The following TOX variants were observed in gnomAD, a reference collection of about 807,000 sequenced individuals.
TOX encodes the protein thymocyte selection associated high mobility group box.
In TOX, 11 loss-of-function variants were observed where a neutral mutation model predicts 53.7. The ratio of observed to expected loss-of-function variants is 0.20; its 90% CI spans 0.13 to 0.34. The LOEUF (loss-of-function observed/expected upper bound fraction) is 0.34, where lower values mean the gene tolerates loss of function less well. TOX is among the 10% of genes least tolerant of loss of function. The probability of loss-of-function intolerance (pLI) is 1.00; values close to 1 mark genes in which losing one functional copy is unlikely to be tolerated. For missense variants in TOX, 570 were observed against 664.6 expected (o/e 0.86, Z 1.56); for synonymous variants, 225 against 245.3 (o/e 0.92, Z 0.77).
At chr8:59,004,510 A>G (rs1361346142) in intron 1 of TOX, among the ~76,000 whole-genome samples, 3 of 152,246 alleles carry the variant, frequency 2.0e-5, no homozygotes, top group African/African-American at 4.8e-5. Context: ...AGTACACATT[A>G]GTGATTGCAT....
intron 8 of TOX, 60 bp from the exon 9 acceptor site, chr8:58,807,843 A>G (rs1451084953): frequency 1.3e-6 from 2 of 1,593,234 alleles, no homozygotes; most frequent in South Asian, 1.1e-5. Flanking sequence ...ACAGGTGACA[A>G]TGGGGGGATG....
intron 1 of TOX, among the ~76,000 whole-genome samples, chr8:59,079,961 T>C (rs559465254): frequency 1.3e-5 from 2 of 151,120 alleles, no homozygotes; most frequent in South Asian, 2.1e-4. Context: ...GCATGGGGCC[T>C]GTAGCCCCTT....
intron 3 of TOX, among the ~76,000 whole-genome samples, chr8:58,860,571 C>T (rs16924112): frequency 0.014 from 2,059 of 152,322 alleles, 71 homozygotes; most frequent in Admixed American, 0.062. Context: ...TGGTTCTCTT[C>T]GGTTATTATC....
intron 3 of TOX, among the ~76,000 whole-genome samples, chr8:58,936,459 C>A (rs955991221): frequency 1.3e-5 from 2 of 152,096 alleles, no homozygotes; most frequent in Non-Finnish European, 1.5e-5. Context: ...TTTTCACTGT[C>A]CAGAAGGACA....
intron 3 of TOX, among the ~76,000 whole-genome samples, chr8:58,879,920 T>G (rs1470649477): frequency 6.6e-6 from 1 of 152,202 alleles, no homozygotes; most frequent in Non-Finnish European, 1.5e-5. Flanking sequence ...TTTTAATACT[T>G]TGCTTTTTCC....
intron 1 of TOX, among the ~76,000 whole-genome samples, chr8:58,973,996 C>T (rs1417240117): frequency 6.6e-6 from 1 of 152,052 alleles, no homozygotes; most frequent in East Asian, 1.9e-4. Flanking sequence ...TGGGGTTTCA[C>T]CATGTTGACC....
At chr8:58,929,157 GAGGATT>G (rs1812216714) in intron 3 of TOX, among the ~76,000 whole-genome samples, 1 of 152,024 alleles carries the variant, frequency 6.6e-6, no homozygotes, top group African/African-American at 2.4e-5. Flanking sequence ...ATTAAATTCA[GAGGATT>G]TAACTATCAT....
At position 58,983,980 on chromosome 8, in the gene TOX, T is replaced by C. The variant is rs138074264; in HGVS notation, c.103-23972A>G. ...AGCCTGTACTAGGGTGAGGCATATT[T>C]GCCTGAGGAGAAAAACTTAAGGTAA... On this transcript the variant is annotated intron_variant, in intron 1 of 8. Transcript: ENST00000361421. 7.9e-5 allele frequency among the ~76,000 whole-genome samples: 12 copies of C among 152,332 alleles called. No homozygotes were observed. In the East Asian group the frequency reaches 2.3e-3, roughly 29 times the overall value.
chr8:59,078,005 G>T (rs1181750862), intron 1 of TOX, among the ~76,000 whole-genome samples: 1 of 151,884 alleles, frequency 6.6e-6, no homozygotes, highest in African/African-American at 2.4e-5. Flanking sequence ...CTTTGGAGGG[G>T]AAAAATGAAG....
chr8:58,810,739 T>G (rs903649889), intron 7 of TOX, among the ~76,000 whole-genome samples: 3 of 152,046 alleles, frequency 2.0e-5, no homozygotes, highest in Admixed American at 6.6e-5. Context: ...TATATTGACT[T>G]AGTTGACAGC....
chr8:59,035,270 A>C (rs1235121114), intron 1 of TOX, among the ~76,000 whole-genome samples: 2 of 152,248 alleles, frequency 1.3e-5, no homozygotes, highest in Non-Finnish European at 2.9e-5. Context: ...ATTGCTAAGC[A>C]ACATAAATGT....
chr8:59,063,758 A>G (rs942508029), intron 1 of TOX, among the ~76,000 whole-genome samples: 4 of 152,112 alleles, frequency 2.6e-5, no homozygotes, highest in Admixed American at 6.6e-5. Flanking sequence ...CTTTAAACTT[A>G]ATCTCAACTA....
At chr8:58,953,510 A>G (rs1812658762) in intron 2 of TOX, among the ~76,000 whole-genome samples, 1 of 152,210 alleles carries the variant, frequency 6.6e-6, no homozygotes, top group Non-Finnish European at 1.5e-5. Flanking sequence ...TTTTCCAGGC[A>G]TCCTTTCATT....
chr8:58,957,360 T>C (rs1340020556), intron 2 of TOX, among the ~76,000 whole-genome samples: 2 of 152,206 alleles, frequency 1.3e-5, no homozygotes, highest in Admixed American at 1.3e-4. Flanking sequence ...TTTTATTATA[T>C]ACTTGTCAGG....
intron 1 of TOX, among the ~76,000 whole-genome samples, chr8:59,102,694 A>G (rs1804827300): frequency 6.6e-6 from 1 of 152,180 alleles, no homozygotes. Flanking sequence ...GGGGACACAG[A>G]GCCAAACCAT....
chr8:58,846,284 C>T (rs1191677792), intron 4 of TOX, among the ~76,000 whole-genome samples: 2 of 151,948 alleles, frequency 1.3e-5, no homozygotes, highest in South Asian at 4.2e-4. Flanking sequence ...CTAATACATA[C>T]TTTAAAAGTA....
chr8:59,010,955 T>C (rs1298192911), intron 1 of TOX, among the ~76,000 whole-genome samples: 2 of 152,252 alleles, frequency 1.3e-5, no homozygotes, highest in South Asian at 2.1e-4. Context: ...ACAGTCGGAA[T>C]AGTAAGCAAG....
chr8:59,109,111 T>G (rs1804966892), intron 1 of TOX, among the ~76,000 whole-genome samples: 1 of 152,210 alleles, frequency 6.6e-6, no homozygotes, highest in Admixed American at 6.5e-5. Context: ...ATTTCCTGAT[T>G]AGCTCTGTTT....
At chr8:58,936,322 C>A (rs373707271) in intron 3 of TOX, among the ~76,000 whole-genome samples, 2 of 152,164 alleles carry the variant, frequency 1.3e-5, no homozygotes, top group Admixed American at 6.6e-5. Flanking sequence ...AAGTTTTATA[C>A]CCAAACCAGA....
Sources: gnomAD v4.1 joint callset for allele counts (sites outside exome capture counted in the v4.1 genomes callset) on GRCh38, gnomAD v4.1.1 for gene constraint, MANE v1.5 for transcripts, NCBI Gene and HGNC (gene_info 2026-07-23, HGNC 2026-07-21) for gene names.